The following ITGB3BP variants were observed in gnomAD, a reference collection of about 807,000 sequenced individuals.
The protein encoded by ITGB3BP is centromere protein R.
ITGB3BP carries 27 observed loss-of-function variants against 29.1 expected under a neutral mutation model. The ratio of observed to expected loss-of-function variants is 0.93; its 90% CI spans 0.68 to 1.28. The LOEUF (loss-of-function observed/expected upper bound fraction) is 1.28. ITGB3BP is among the 50% of genes most tolerant of loss of function. ITGB3BP has a pLI of 0.00. For missense variants in ITGB3BP, 192 were observed against 200.2 expected, an observed-to-expected ratio of 0.96 and a Z score of 0.25; for synonymous variants, 61 against 61.4, an observed-to-expected ratio of 0.99 and a Z score of 0.03.
At chr1:63,528,022 G>C (rs562147702), upstream of ITGB3BP, 1 of 152,216 alleles carries the variant, frequency 6.6e-6, no homozygotes, top group East Asian at 1.9e-4. Flanking sequence ...CAGTTTGGAG[G>C]CTTCTCAAAA....
intron 4 of ITGB3BP, among the ~76,000 whole-genome samples, chr1:63,468,729 C>A (rs945050067): frequency 2.0e-5 from 3 of 152,002 alleles, no homozygotes; most frequent in Non-Finnish European, 4.4e-5. Flanking sequence ...GGCGTGGTTG[C>A]GCATGCCTGT....
intron 3 of ITGB3BP, 122 bp from the exon 4 acceptor site, chr1:63,478,955 C>A: frequency 2.6e-6 from 1 of 390,368 alleles, no homozygotes; most frequent in Non-Finnish European, 4.6e-6. Context: ...GGGAGGTGGG[C>A]AAAGAAAAAG....
At chr1:63,524,534 A>C (rs1646545270), upstream of ITGB3BP, among the ~76,000 whole-genome samples, 1 of 152,246 alleles carries the variant, frequency 6.6e-6, no homozygotes, top group Non-Finnish European at 1.5e-5. Context: ...GAATGCAATG[A>C]GTCCTGAAGG....
intron 3 of ITGB3BP, among the ~76,000 whole-genome samples, chr1:63,489,534 A>G (rs901373257): frequency 6.6e-6 from 1 of 151,824 alleles, no homozygotes; most frequent in African/African-American, 2.4e-5. Context: ...TTTAAAATAA[A>G]GAATTTCATA....
chr1:63,502,846 T>C (rs184831518), intron 2 of ITGB3BP, among the ~76,000 whole-genome samples: 1 of 152,176 alleles, frequency 6.6e-6, no homozygotes, highest in Non-Finnish European at 1.5e-5. Flanking sequence ...CATGAACTCA[T>C]CATTTTTTAT....
chr1:63,517,399 T>A (rs1377007851), intron 1 of ITGB3BP, among the ~76,000 whole-genome samples: 4 of 150,492 alleles, frequency 2.7e-5, no homozygotes, highest in Admixed American at 1.3e-4. Flanking sequence ...TAAAAATAAA[T>A]AAAAATAAAT....
At chr1:63,491,054 C>T (rs1399379479) in intron 2 of ITGB3BP, among the ~76,000 whole-genome samples, 1 of 152,120 alleles carries the variant, frequency 6.6e-6, no homozygotes, top group Non-Finnish European at 1.5e-5. Flanking sequence ...AGGCTATGTG[C>T]ATTTGGGCCT....
intron 1 of ITGB3BP, among the ~76,000 whole-genome samples, chr1:63,511,501 T>G (rs35888445): frequency 3.3e-5 from 5 of 151,852 alleles, no homozygotes; most frequent in Admixed American, 2.0e-4. Context: ...CACAGCAGCA[T>G]TGCTCACAAT....
At chr1:63,527,240 T>A (rs1187294339), upstream of ITGB3BP, among the ~76,000 whole-genome samples, 1 of 152,256 alleles carries the variant, frequency 6.6e-6, no homozygotes, top group Non-Finnish European at 1.5e-5. Context: ...ACTAAGGTGC[T>A]ATCAATCTTA....
intron 7 of ITGB3BP, chr1:63,447,078 T>C (rs1292789356): frequency 1.4e-5 from 7 of 512,812 alleles, no homozygotes; most frequent in African/African-American, 7.7e-5. Context: ...TACGAAAACT[T>C]CCAAGACATT....
intron 3 of ITGB3BP, among the ~76,000 whole-genome samples, chr1:63,484,885 G>A (rs78060202): frequency 0.013 from 1,906 of 152,044 alleles, 13 homozygotes; most frequent in Non-Finnish European, 0.019. Flanking sequence ...TATGTTTTGA[G>A]TTTTTTAGAT....
At chr1:63,517,409 T>TA (rs1369795147) in intron 1 of ITGB3BP, among the ~76,000 whole-genome samples, 1 of 151,334 alleles carries the variant, frequency 6.6e-6, no homozygotes, top group African/African-American at 2.4e-5. Flanking sequence ...TAAAAATAAA[T>TA]AAAAAATAAA....
Position 63,528,838 on chromosome 1 carries a change from A to G in ITGB3BP, n.253+293T>C, listed in dbSNP as rs188394242. Among the ~76,000 whole-genome samples, 75 of 152,324 alleles carry G rather than the reference A, an allele frequency of 4.9e-4. 2 individuals carry two copies. In the East Asian group the frequency reaches 7.9e-3, roughly 16 times the overall value. Reference sequence around the variant, plus strand: ...TGTAAATGTGTTCTGTATATGTACCATGATTCAGTTAACCACTCCTTGATT... The same window carrying G: ...TGTAAATGTGTTCTGTATATGTACCGTGATTCAGTTAACCACTCCTTGATT... On this transcript the variant is annotated intron_variant and non_coding_transcript_variant, in intron 2 of 4. Transcript: ENST00000478138.
In ITGB3BP at chr1:63,523,144, G is replaced by A; in HGVS notation, c.-11C>T. ...AGATACCTACGGCATTCTGAGATTC[G>A]GGAAAGCACCACTGCCGCTGAATAA... On this transcript the variant is annotated 5_prime_UTR_variant, in exon 1 of 9. It introduces an in-frame stop codon into an upstream open reading frame of the 5' UTR. Transcript: ENST00000271002. 1 of 1,614,050 alleles carries A rather than the reference G, an allele frequency of 6.2e-7. No homozygotes were observed. The highest frequency in any genetic ancestry group is 2.2e-5 in the East Asian group (1 of 44,882).
intron 2 of ITGB3BP, among the ~76,000 whole-genome samples, chr1:63,502,499 G>A (rs907783418): frequency 1.5e-5 from 2 of 137,480 alleles, no homozygotes; most frequent in African/African-American, 5.4e-5. Flanking sequence ...CATGGCGGGA[G>A]GCAAAAGGCA....
At chr1:63,500,319 A>G (rs927883785) in intron 2 of ITGB3BP, among the ~76,000 whole-genome samples, 4 of 152,158 alleles carry the variant, frequency 2.6e-5, no homozygotes, top group Non-Finnish European at 4.4e-5. Flanking sequence ...CGGAGGTTGC[A>G]GTGAGCTGGG....
At chr1:63,491,865 G>T (rs1037544079) in intron 2 of ITGB3BP, among the ~76,000 whole-genome samples, 2 of 151,854 alleles carry the variant, frequency 1.3e-5, no homozygotes, top group Non-Finnish European at 2.9e-5. Flanking sequence ...AGGGTTTTAA[G>T]TCTCTTTATC....
At chr1:63,483,802 C>T (rs1291981951) in intron 3 of ITGB3BP, among the ~76,000 whole-genome samples, 1 of 152,124 alleles carries the variant, frequency 6.6e-6, no homozygotes, top group East Asian at 1.9e-4. Flanking sequence ...TGTTTAAATA[C>T]ACCAATACCA....
Position 63,440,997 on chromosome 1 carries a change from C to T in ITGB3BP, c.*108G>A, listed in dbSNP as rs41285374. The stretch of plus-strand genomic sequence containing the variant: ...ACATGCACCTGCCAACTGCTACGAG[C>T]TGGTATTTACTGGGCAGATTAATTA... On this transcript the variant is annotated 3_prime_UTR_variant, in exon 9 of 9. Coordinates refer to ENST00000271002, the MANE Select transcript of ITGB3BP (RefSeq NM_014288.5). 6.6e-6 allele frequency: 1 copy of T among 152,624 alleles called. No homozygotes were observed. The highest frequency in any genetic ancestry group is 2.4e-5 in the African/African-American group (1 of 41,440). 9.5% of individuals were successfully genotyped at this position (152,624 alleles called of 1,614,324 possible). A position where few individuals can be genotyped will look rare whatever the true frequency, so the allele number is the denominator to read the frequency against.
Sources: gnomAD v4.1 joint callset for allele counts (sites outside exome capture counted in the v4.1 genomes callset) on GRCh38, gnomAD v4.1.1 for gene constraint, MANE v1.5 for transcripts, NCBI Gene and HGNC (gene_info 2026-07-23, HGNC 2026-07-21) for gene names.